Variants in CHRNB3 observed in about 807,000 individuals in gnomAD.
CHRNB3 encodes neuronal acetylcholine receptor subunit beta-3.
CHRNB3 carries 37 observed loss-of-function variants against 40.6 expected under a neutral mutation model. The observed-to-expected ratio is 0.91, with a 90% CI of 0.70 to 1.20. The LOEUF (loss-of-function observed/expected upper bound fraction) is 1.20, where lower values mean the gene tolerates loss of function less well. CHRNB3 is among the 50% of genes most tolerant of loss of function. CHRNB3 has a pLI of 0.00. For synonymous variants in CHRNB3, 207 were observed against 207.1 expected (o/e 1.00, Z 0.00); for missense variants, 505 against 551.2 (o/e 0.92, Z 0.84).
Position 42,737,389 on chromosome 8 carries a change from A to G in CHRNB3, c.*771A>G, listed in dbSNP as rs1816548952. The G allele has an allele frequency of 6.6e-6, 1 of 152,202 alleles. No homozygotes were observed. Among genetic ancestry groups the G allele is most frequent in the African/African-American group, 2.4e-5 (1 of 41,432 alleles). 9.4% of individuals were successfully genotyped at this position (152,202 alleles called of 1,614,324 possible). A position where few individuals can be genotyped will look rare whatever the true frequency, so the allele number is the denominator to read the frequency against. On this transcript the variant is annotated 3_prime_UTR_variant, in exon 6 of 6. Coordinates refer to ENST00000289957, the MANE Select transcript of CHRNB3 (RefSeq NM_000749.5). ...TCATTAATACCCATTATCTTTTCCTAGTAAACTAGTGTACAGAACATTCTC... is the reference window on the plus strand; with the variant it reads ...TCATTAATACCCATTATCTTTTCCTGGTAAACTAGTGTACAGAACATTCTC...
At chr8:42,734,810 T>C (rs1011605314) in intron 5 of CHRNB3, among the ~76,000 whole-genome samples, 2 of 152,158 alleles carry the variant, frequency 1.3e-5, no homozygotes, top group African/African-American at 4.8e-5. Flanking sequence ...CTGTCATGTT[T>C]TTCATCCACT....
At position 42,704,679 on chromosome 8, in the gene CHRNB3, G is replaced by GGT. The variant is rs146719499; in HGVS notation, c.53-4018_53-4017dup. On this transcript the variant is annotated intron_variant, in intron 1 of 5. Transcript: ENST00000289957. ...CGGCTCACAGTTGTCTGAGCTAATA[G>GGT]GTGTGTGTGTGTGTGTGTGTGCTTG... is the stretch of plus-strand genomic sequence containing the variant. 5.4e-3 allele frequency among the ~76,000 whole-genome samples: 800 copies of GGT among 148,246 alleles called. 1 individual carries two copies. Among genetic ancestry groups the GGT allele is most frequent in the Middle Eastern group, 0.01 (3 of 290 alleles).
rs1816427463 is a variant in CHRNB3, at chr8:42,731,784, T to G, written c.477T>G (p.Phe159Leu). The change falls in exon 5 of 6, where the codon TTT becomes TTG. Residue 159 changes from phenylalanine to leucine, a missense_variant. Phe to Leu is a conservative substitution (Grantham distance 22). Coordinates refer to ENST00000289957, the MANE Select transcript of CHRNB3 (RefSeq NM_000749.5). The stretch of plus-strand genomic sequence containing the variant: ...GCTCCTGCACCATGGACGTCACGTT[T>G]TTCCCGTTCGACCGACAGAACTGCT... Reference protein sequence around the residue: ...YKSSCTMDVTFFPFDRQNCSM... With the variant: ...YKSSCTMDVTLFPFDRQNCSM... The G allele has an allele frequency of 1.9e-6, 3 of 1,613,952 alleles. No homozygotes were observed. The highest frequency in any genetic ancestry group is 2.2e-5 in the South Asian group (2 of 91,070).
chr8:42,730,745 AT>A (rs1563615828), intron 4 of CHRNB3, 42 bp downstream of exon 4: 2 of 1,394,370 alleles, frequency 1.4e-6, no homozygotes, highest in African/African-American at 1.5e-5. Flanking sequence ...AAAAAAATAA[AT>A]TTTTTAAAAA....
intron 3 of CHRNB3, among the ~76,000 whole-genome samples, chr8:42,729,153 A>G (rs1816358921): frequency 6.6e-6 from 1 of 152,074 alleles, no homozygotes; most frequent in Non-Finnish European, 1.5e-5. Context: ...CACACCTGTA[A>G]TCCCAGCACT....
chr8:42,699,936 T>A (rs1815752910), intron 1 of CHRNB3, among the ~76,000 whole-genome samples: 1 of 141,244 alleles, frequency 7.1e-6, no homozygotes. Flanking sequence ...AGAAACAAAA[T>A]ATACCAAAAG....
rs1034344036 is a variant in CHRNB3, at chr8:42,736,701, G to A, written c.*83G>A. 1.3e-6 allele frequency: 2 copies of A among 1,513,882 alleles called. No individual in the cohort carries two copies. Among genetic ancestry groups the A allele is most frequent in the Non-Finnish European group, 1.8e-6 (2 of 1,097,794 alleles). 93.8% of individuals were successfully genotyped at this position (1,513,882 alleles called of 1,614,324 possible). A position where few individuals can be genotyped will look rare whatever the true frequency, so the allele number is the denominator to read the frequency against. Reference sequence around the variant, plus strand: ...AGACAGAATCCAAATGCATGTGCTTGTTCTACGAACCCCGAATGCGTTGTC... The same window carrying A: ...AGACAGAATCCAAATGCATGTGCTTATTCTACGAACCCCGAATGCGTTGTC... On this transcript the variant is annotated 3_prime_UTR_variant, in exon 6 of 6. Transcript: ENST00000289957.
intron 1 of CHRNB3, 101 bp downstream of exon 1, chr8:42,697,699 T>C: frequency 2.3e-6 from 2 of 866,032 alleles, no homozygotes; most frequent in Non-Finnish European, 3.9e-6. Flanking sequence ...CAATATGTAA[T>C]GCACAAGATA....
chr8:42,717,198 C>G, intron 3 of CHRNB3, among the ~76,000 whole-genome samples: 1 of 142,508 alleles, frequency 7.0e-6, no homozygotes, highest in Non-Finnish European at 1.5e-5. Context: ...ACGGTGAAAC[C>G]CCGTCTCTAC....
intron 2 of CHRNB3, among the ~76,000 whole-genome samples, 156 bp downstream of exon 2, chr8:42,709,024 A>G (rs1471059399): frequency 2.0e-5 from 3 of 152,190 alleles, no homozygotes; most frequent in Non-Finnish European, 4.4e-5. Flanking sequence ...AAAATGACCC[A>G]AGGAAAGAAC....
At chr8:42,697,630 A>G in intron 1 of CHRNB3, 32 bp downstream of exon 1, 1 of 1,562,998 alleles carries the variant, frequency 6.4e-7, no homozygotes, top group Admixed American at 1.7e-5. Context: ...TTAAAACTAC[A>G]GTTGCAGAAT....
At chr8:42,726,088 G>T in intron 3 of CHRNB3, 2 of 1,004,956 alleles carry the variant, frequency 2.0e-6, no homozygotes, top group Non-Finnish European at 3.1e-6. Flanking sequence ...GTTTAAACCT[G>T]AGCCCTTTTC....
At chr8:42,699,802 C>A (rs190441050) in intron 1 of CHRNB3, among the ~76,000 whole-genome samples, 2 of 151,544 alleles carry the variant, frequency 1.3e-5, no homozygotes, top group East Asian at 1.9e-4. Context: ...TATCAAGAAT[C>A]CATTGAATAT....
intron 3 of CHRNB3, among the ~76,000 whole-genome samples, chr8:42,712,140 A>G (rs909989081): frequency 6.6e-6 from 1 of 151,750 alleles, no homozygotes; most frequent in Non-Finnish European, 1.5e-5. Flanking sequence ...CTACAGGCAC[A>G]TGCCACCACG....
chr8:42,732,651 A>G, intron 5 of CHRNB3, 102 bp downstream of exon 5: 1 of 1,152,618 alleles, frequency 8.7e-7, no homozygotes, highest in Non-Finnish European at 1.2e-6. Context: ...TTTAAATGTG[A>G]CGTTATATAA....
rs144578245 is a variant in CHRNB3 at position 42,732,276 on chromosome 8, ATCT to A, written c.975_977del (p.Ser326del). 308 of 1,609,474 alleles carry A rather than the reference ATCT, an allele frequency of 1.9e-4. 1 individual carries two copies. The African/African-American group carries it at 3.9e-3, about 20-fold the overall frequency. ...TGTTTGTCATTAACGTTCACCACAG[ATCT>A]TCTTCCACGTACCACCCCATGGCCC... On this transcript the variant is annotated inframe_deletion, in exon 5 of 6. Coordinates refer to ENST00000289957, the MANE Select transcript of CHRNB3 (RefSeq NM_000749.5).
At chr8:42,735,510 G>A (rs1178740954) in intron 5 of CHRNB3, among the ~76,000 whole-genome samples, 1 of 152,162 alleles carries the variant, frequency 6.6e-6, no homozygotes, top group African/African-American at 2.4e-5. Flanking sequence ...TGCAGCCTGG[G>A]TGGCAGAGTG....
intron 1 of CHRNB3, among the ~76,000 whole-genome samples, chr8:42,707,887 T>C (rs1249832407): frequency 6.6e-6 from 1 of 152,248 alleles, no homozygotes; most frequent in East Asian, 1.9e-4. Flanking sequence ...GGCCAGGCAC[T>C]GTTCTAGGTG....
chr8:42,727,690 C>T (rs943835758), intron 3 of CHRNB3, among the ~76,000 whole-genome samples: 1 of 152,018 alleles, frequency 6.6e-6, no homozygotes, highest in Admixed American at 6.6e-5. Context: ...TGGTGAAACC[C>T]CATCTCTACT....
Sources: allele counts gnomAD v4.1 joint callset (sites outside exome capture counted in the v4.1 genomes callset), GRCh38; gene constraint gnomAD v4.1.1; transcripts MANE v1.5; gene names NCBI Gene and HGNC (gene_info 2026-07-23, HGNC 2026-07-21).